Variants in EYS observed in about 807,000 individuals in gnomAD.
The protein encoded by EYS is protein eyes shut homolog.
Under a neutral mutation model 282.1 loss-of-function variants are expected in EYS, and 250 were observed. That is an observed-to-expected ratio of 0.89 (90% confidence interval 0.80 to 0.98). EYS has a LOEUF of 0.98. Among genes scored for constraint, EYS ranks in the 50% least tolerant of loss-of-function variants. EYS has a pLI of 0.00. For synonymous variants in EYS, 1,355 were observed against 1,282.9 expected (o/e 1.06, Z -1.20); for missense variants, 4,016 against 3,709.0 (o/e 1.08, Z -2.15).
chr6:65,177,843 C>T (rs1031191797), intron 12 of EYS, among the ~76,000 whole-genome samples: 4 of 151,768 alleles, frequency 2.6e-5, no homozygotes, highest in African/African-American at 9.7e-5. Context: ...CTTGATGTTA[C>T]TCATTGTAAA....
intron 12 of EYS, among the ~76,000 whole-genome samples, chr6:65,083,819 AAT>A (rs1247179949): frequency 1.3e-5 from 2 of 151,678 alleles, no homozygotes; most frequent in Non-Finnish European, 2.9e-5. Flanking sequence ...ATATTTGTAT[AAT>A]ATATGATACT....
intron 2 of EYS, among the ~76,000 whole-genome samples, chr6:65,540,690 G>A (rs917437311): frequency 6.6e-5 from 10 of 152,024 alleles, no homozygotes; most frequent in Non-Finnish European, 1.3e-4. Context: ...AGGCCGAGGC[G>A]GGCAGATTAC....
At position 64,306,526 on chromosome 6, in the gene EYS, T is replaced by G. The variant is rs182805047; in HGVS notation, c.6191+444A>C. Among the ~76,000 whole-genome samples the G allele has an allele frequency of 5.9e-5, 9 of 152,328 alleles. No individual in the cohort carries two copies. The East Asian group carries it at 1.7e-3, about 29-fold the overall frequency. ...ATTCAAAGCCATGTTTGGAGATTTC[T>G]GTATCCAGAAGCAGAGTCTGAAAGA... On this transcript the variant is annotated intron_variant, in intron 30 of 42. Coordinates refer to ENST00000503581, the MANE Select transcript of EYS (RefSeq NM_001142800.2).
chr6:65,311,225 G>A (rs1769150663), intron 11 of EYS, among the ~76,000 whole-genome samples: 1 of 152,098 alleles, frequency 6.6e-6, no homozygotes, highest in Admixed American at 6.6e-5. Context: ...AGGGTTGGAT[G>A]GTAAACAAAG....
intron 22 of EYS, among the ~76,000 whole-genome samples, chr6:64,789,340 T>C (rs78171427): frequency 0.058 from 8,790 of 152,206 alleles, 259 homozygotes; most frequent in East Asian, 0.073. Flanking sequence ...CAATTTATGA[T>C]ACATCCTTCT....
intron 26 of EYS, among the ~76,000 whole-genome samples, chr6:64,557,203 T>TAC (rs1562060417): frequency 4.7e-5 from 5 of 106,692 alleles, no homozygotes; most frequent in Non-Finnish European, 9.4e-5. Context: ...CACACACAGA[T>TAC]ACACACACAC....
chr6:64,284,648 T>C (rs1403895689), intron 30 of EYS, among the ~76,000 whole-genome samples: 1 of 152,178 alleles, frequency 6.6e-6, no homozygotes, highest in Non-Finnish European at 1.5e-5. Context: ...GAGCCCCACC[T>C]CTGCAGCAAA....
intron 33 of EYS, among the ~76,000 whole-genome samples, chr6:64,025,902 T>C (rs1355479521): frequency 2.0e-5 from 3 of 152,222 alleles, no homozygotes; most frequent in Non-Finnish European, 4.4e-5. Flanking sequence ...TGCTTAGGAC[T>C]CTAACAGGTT....
rs574217943 is a variant in EYS, at chr6:64,622,033, C to G, written c.3568+4088G>C. On this transcript the variant is annotated intron_variant, in intron 23 of 42. Transcript: ENST00000503581. ...CATCTGAATACCTATATTGATACTT[C>G]ATTGGAAATGAGCTCAAAAACCCAT... 9.5e-4 allele frequency among the ~76,000 whole-genome samples: 144 copies of G among 152,278 alleles called. 1 individual carries two copies. The highest frequency in any genetic ancestry group is 3.3e-3 in the African/African-American group (136 of 41,568).
At chr6:63,972,938 T>C (rs533048158) in intron 35 of EYS, among the ~76,000 whole-genome samples, 4 of 152,286 alleles carry the variant, frequency 2.6e-5, no homozygotes, top group South Asian at 2.1e-4. Flanking sequence ...AGTCTATCAT[T>C]GATGGGCATT....
At chr6:64,070,851 G>A (rs1771546430) in intron 32 of EYS, among the ~76,000 whole-genome samples, 2 of 152,000 alleles carry the variant, frequency 1.3e-5, no homozygotes, top group South Asian at 4.1e-4. Context: ...TGGTGCTGCT[G>A]CCTTAATATT....
At chr6:65,452,064 T>A (rs9345633) in intron 5 of EYS, among the ~76,000 whole-genome samples, 28,012 of 151,462 alleles carry the variant, frequency 0.18, 3,228 homozygotes, top group Middle Eastern at 0.3. Flanking sequence ...TAGTAGAATT[T>A]AATAATAATT....
chr6:65,375,169 G>A (rs1016228901), intron 8 of EYS, among the ~76,000 whole-genome samples: 6 of 152,132 alleles, frequency 3.9e-5, no homozygotes, highest in African/African-American at 9.7e-5. Context: ...CCTCTGGGAC[G>A]AAGCTTCCAG....
At chr6:65,370,252 C>T (rs1179073307) in intron 8 of EYS, among the ~76,000 whole-genome samples, 1 of 131,928 alleles carries the variant, frequency 7.6e-6, no homozygotes. Flanking sequence ...CTTTCTTTCT[C>T]TCTCTTTTTT....
chr6:65,524,578 T>A (rs955216796), intron 2 of EYS, among the ~76,000 whole-genome samples: 3 of 152,154 alleles, frequency 2.0e-5, no homozygotes, highest in African/African-American at 7.2e-5. Flanking sequence ...CAAAACACAA[T>A]TTCACTGTTT....
chr6:63,862,041 C>A (rs1045398336), intron 36 of EYS, among the ~76,000 whole-genome samples: 8 of 152,166 alleles, frequency 5.3e-5, no homozygotes, highest in African/African-American at 1.9e-4. Context: ...CATTTCCAAA[C>A]CTTCTACCTG....
At chr6:64,675,859 T>A (rs1377572824) in intron 22 of EYS, among the ~76,000 whole-genome samples, 2 of 151,694 alleles carry the variant, frequency 1.3e-5, no homozygotes, top group Non-Finnish European at 2.9e-5. Flanking sequence ...CCTTAGTTAC[T>A]ATTTGTAAAA....
At chr6:65,305,139 T>C (rs1297643583) in intron 11 of EYS, among the ~76,000 whole-genome samples, 1 of 149,180 alleles carries the variant, frequency 6.7e-6, no homozygotes, top group East Asian at 2.0e-4. Flanking sequence ...AAAGTTACTT[T>C]ATAACCATTT....
In EYS at chr6:64,884,341, G is replaced by C. The variant is rs1767017318; in HGVS notation, c.2992+2356C>G. Among the ~76,000 whole-genome samples, 3 of 151,538 alleles carry C rather than the reference G, an allele frequency of 2.0e-5. No individual in the cohort carries two copies. In the South Asian group the frequency reaches 6.2e-4, roughly 31 times the overall value. On this transcript the variant is annotated intron_variant, in intron 19 of 42. Transcript: ENST00000503581. ...TTTTGTTTTTTTCTGATGGAGCAAA[G>C]CTAGAGTAGAAATAAAACTGGAATT...
Sources: gnomAD v4.1 joint callset for allele counts (sites outside exome capture counted in the v4.1 genomes callset) on GRCh38, gnomAD v4.1.1 for gene constraint, MANE v1.5 for transcripts, NCBI Gene and HGNC (gene_info 2026-07-23, HGNC 2026-07-21) for gene names.